Variants in DPP10 observed in about 807,000 individuals in gnomAD.
DPP10 encodes dipeptidyl peptidase like 10.
A neutral mutation model predicts 120.9 loss-of-function variants in DPP10; 33 were observed. That is an observed-to-expected ratio of 0.27 (90% CI 0.21 to 0.37). The LOEUF is 0.37. Ranked by LOEUF, DPP10 falls within the 10% of genes least tolerant of loss-of-function variation. DPP10 has a pLI of 1.00. For missense variants in DPP10, 816 were observed against 942.8 expected (o/e 0.87, Z 1.76); for synonymous variants, 337 against 326.1 (o/e 1.03, Z -0.36).
intron 1 of DPP10, among the ~76,000 whole-genome samples, chr2:115,125,669 T>C (rs10173306): frequency 1.3e-3 from 189 of 150,482 alleles, no homozygotes; most frequent in African/African-American, 4.5e-3. Flanking sequence ...CCTCCCGGGT[T>C]CACGCCATTC....
intron 1 of DPP10, among the ~76,000 whole-genome samples, chr2:114,711,084 A>T (rs1350192818): frequency 6.6e-6 from 1 of 152,154 alleles, no homozygotes; most frequent in Non-Finnish European, 1.5e-5. Context: ...AGGGCAAGAA[A>T]AAAAAAGATT....
At chr2:115,468,895 C>T in intron 3 of DPP10, 2 of 407,068 alleles carry the variant, frequency 4.9e-6, no homozygotes, top group South Asian at 2.0e-5. Flanking sequence ...ACTCCCACTT[C>T]TCAGGCCACT....
intron 3 of DPP10, among the ~76,000 whole-genome samples, chr2:115,486,475 A>T (rs2075786106): frequency 1.3e-5 from 2 of 152,134 alleles, no homozygotes; most frequent in African/African-American, 4.8e-5. Flanking sequence ...GACCTTTGGG[A>T]TCATATAAAC....
chr2:114,452,139 T>C (rs1286174093), intron 1 of DPP10, among the ~76,000 whole-genome samples: 1 of 152,178 alleles, frequency 6.6e-6, no homozygotes, highest in Non-Finnish European at 1.5e-5. Context: ...ATACTGACCA[T>C]CATTCTCTTG....
chr2:115,324,492 T>G (rs1220155779), intron 2 of DPP10, among the ~76,000 whole-genome samples: 1 of 152,116 alleles, frequency 6.6e-6, no homozygotes, highest in African/African-American at 2.4e-5. Context: ...CCAATCTCTC[T>G]TAGTTTCAAA....
intron 1 of DPP10, among the ~76,000 whole-genome samples, chr2:114,559,914 AAAG>A (rs1688632663): frequency 1.5e-5 from 2 of 135,526 alleles, no homozygotes; most frequent in African/African-American, 5.8e-5. Context: ...AAAAAAAAAC[AAAG>A]GAAGGAAAGA....
At chr2:115,559,751 A>T (rs1327266320) in intron 5 of DPP10, among the ~76,000 whole-genome samples, 1 of 152,182 alleles carries the variant, frequency 6.6e-6, no homozygotes, top group Non-Finnish European at 1.5e-5. Context: ...CCCAGATGGC[A>T]TTCTGAAGTA....
At chr2:114,625,415 G>A (rs889550455) in intron 1 of DPP10, among the ~76,000 whole-genome samples, 2 of 151,912 alleles carry the variant, frequency 1.3e-5, no homozygotes, top group African/African-American at 4.8e-5. Context: ...GGCACACTAT[G>A]TTATTTGATC....
At chr2:115,586,938 T>A (rs2149152323) in intron 5 of DPP10, among the ~76,000 whole-genome samples, 1 of 152,248 alleles carries the variant, frequency 6.6e-6, no homozygotes, top group African/African-American at 2.4e-5. Flanking sequence ...TGATTTGATA[T>A]ACATATGTAA....
chr2:115,123,762 A>C (rs930443938), intron 1 of DPP10, among the ~76,000 whole-genome samples: 4 of 152,088 alleles, frequency 2.6e-5, no homozygotes, highest in Admixed American at 2.6e-4. Flanking sequence ...TGCTGTGCTC[A>C]TGTCTCCCTA....
At chr2:114,850,782 T>C (rs1381861660) in intron 1 of DPP10, among the ~76,000 whole-genome samples, 2 of 152,188 alleles carry the variant, frequency 1.3e-5, no homozygotes, top group Non-Finnish European at 2.9e-5. Context: ...AGAATAAGAA[T>C]TCCAAAAGAC....
At chr2:115,817,172 G>T (rs978924415) in intron 21 of DPP10, among the ~76,000 whole-genome samples, 1 of 151,782 alleles carries the variant, frequency 6.6e-6, no homozygotes, top group Non-Finnish European at 1.5e-5. Context: ...GGCTGATCCC[G>T]GGAGGCAGAG....
intron 5 of DPP10, among the ~76,000 whole-genome samples, chr2:115,611,085 G>T (rs1055758818): frequency 6.6e-6 from 1 of 152,014 alleles, no homozygotes; most frequent in Non-Finnish European, 1.5e-5. Context: ...GCCAGATTGT[G>T]CAACTAATAC....
chr2:115,683,715 G>A (rs963166477), intron 5 of DPP10, among the ~76,000 whole-genome samples: 2 of 151,770 alleles, frequency 1.3e-5, no homozygotes, highest in East Asian at 1.9e-4. Flanking sequence ...TTTTATATTC[G>A]TAATCTTCAT....
At chr2:115,129,714 GT>G (rs1407708717) in intron 1 of DPP10, among the ~76,000 whole-genome samples, 3 of 152,084 alleles carry the variant, frequency 2.0e-5, no homozygotes, top group Non-Finnish European at 4.4e-5. Context: ...TCATCCTACT[GT>G]TCTCTGTGTC....
At chr2:115,344,841 A>G (rs919308029) in intron 3 of DPP10, among the ~76,000 whole-genome samples, 2 of 152,196 alleles carry the variant, frequency 1.3e-5, no homozygotes, top group Admixed American at 1.3e-4. Flanking sequence ...TTTTCAAGGC[A>G]TAGAGTGTAT....
At chr2:115,427,702 C>T (rs1462308470) in intron 3 of DPP10, among the ~76,000 whole-genome samples, 1 of 152,176 alleles carries the variant, frequency 6.6e-6, no homozygotes, top group African/African-American at 2.4e-5. Context: ...GCCTTTTTCT[C>T]ATTGTCTTGG....
rs536100320 is a variant in DPP10 at position 115,695,633 on chromosome 2, CAT to C, written c.576+5713_576+5714del. On this transcript the variant is annotated intron_variant, in intron 7 of 25. Coordinates refer to ENST00000410059, the MANE Select transcript of DPP10 (RefSeq NM_020868.6). ...ACCTCCCACCAAGTCCCTACCATGA[CAT>C]GTGGGAATTATTAAAATTCAAGGTG... 3.2e-4 allele frequency among the ~76,000 whole-genome samples: 49 copies of C among 152,260 alleles called. 1 individual carries two copies. In the South Asian group the frequency reaches 9.3e-3, roughly 29 times the overall value.
chr2:115,027,760 A>G (rs1320972159), intron 1 of DPP10, among the ~76,000 whole-genome samples: 2 of 152,048 alleles, frequency 1.3e-5, no homozygotes, highest in Non-Finnish European at 2.9e-5. Context: ...CTTTGATGAG[A>G]GACTTTTTAT....
Sources: gnomAD v4.1 joint callset for allele counts (sites outside exome capture counted in the v4.1 genomes callset) on GRCh38, gnomAD v4.1.1 for gene constraint, MANE v1.5 for transcripts, NCBI Gene and HGNC (gene_info 2026-07-23, HGNC 2026-07-21) for gene names.